INPP5D: variants seen among roughly 807,000 people sequenced by gnomAD.
The protein encoded by INPP5D is phosphatidylinositol 3,4,5-trisphosphate 5-phosphatase 1.
A neutral mutation model predicts 122.9 loss-of-function variants in INPP5D; 33 were observed. The observed-to-expected ratio is 0.27, with a 90% CI of 0.20 to 0.36. INPP5D has a LOEUF of 0.36. Among genes scored for constraint, INPP5D ranks in the 10% least tolerant of loss-of-function variants. The probability of loss-of-function intolerance (pLI) is 1.00; values close to 1 mark genes in which losing one functional copy is unlikely to be tolerated. For missense variants in INPP5D, 1,053 were observed against 1,412.7 expected (o/e 0.75, Z 4.08); for synonymous variants, 584 against 576.2 (o/e 1.01, Z -0.19).
rs1030196761 is a variant in INPP5D at position 233,135,066 on chromosome 2, A to T, written c.665+4418A>T. On this transcript the variant is annotated intron_variant, in intron 5 of 26. Transcript: ENST00000445964. The stretch of plus-strand genomic sequence containing the variant: ...GATATGTTCTTGAAGAAGTAGGAAA[A>T]AATTGCCAATTAATGTATACAATAA... Among the ~76,000 whole-genome samples the T allele has an allele frequency of 2.0e-5, 3 of 149,096 alleles. No individual in the cohort carries two copies. In the South Asian group the frequency reaches 6.5e-4, roughly 32 times the overall value.
At chr2:233,182,604 T>C in intron 19 of INPP5D, 105 bp downstream of exon 19, 1 of 1,519,514 alleles carries the variant, frequency 6.6e-7, no homozygotes, top group African/African-American at 1.4e-5. Context: ...GGAAGGCTCA[T>C]TTTCCCAGGC....
chr2:233,116,769 G>C (rs1692811088), intron 2 of INPP5D, among the ~76,000 whole-genome samples: 1 of 151,320 alleles, frequency 6.6e-6, no homozygotes, highest in Admixed American at 6.6e-5. Context: ...GCTAATTTTT[G>C]TATTTTTAGT....
chr2:233,201,100 CAG>C (rs1410396043), intron 25 of INPP5D, among the ~76,000 whole-genome samples: 5 of 152,252 alleles, frequency 3.3e-5, no homozygotes, highest in South Asian at 2.1e-4. Context: ...TGCCTCTGTA[CAG>C]AGTTTGTTGA....
intron 26 of INPP5D, 62 bp downstream of exon 26, chr2:233,204,779 T>C (rs1372313046): frequency 1.7e-5 from 25 of 1,442,492 alleles, no homozygotes; most frequent in Non-Finnish European, 1.4e-5. Context: ...TGAGTGCGTA[T>C]GTGTGTACCT....
chr2:233,099,596 T>A (rs1692246097), intron 2 of INPP5D, among the ~76,000 whole-genome samples: 1 of 152,228 alleles, frequency 6.6e-6, no homozygotes, highest in Admixed American at 6.5e-5. Context: ...AGATTAAAGA[T>A]CACAATCTGG....
intron 5 of INPP5D, among the ~76,000 whole-genome samples, chr2:233,138,303 T>TAAAAAA (rs749510803): frequency 6.8e-5 from 7 of 103,664 alleles, no homozygotes; most frequent in Non-Finnish European, 9.3e-5. Context: ...TAAGATTGTC[T>TAAAAAA]AAAAAAAAAA....
Position 233,170,213 on chromosome 2 carries a change from G to A in INPP5D, c.1791+49G>A. 3 of 1,592,296 alleles carry A rather than the reference G, an allele frequency of 1.9e-6. No individual in the cohort carries two copies. Among genetic ancestry groups the A allele is most frequent in the Non-Finnish European group, 2.6e-6 (3 of 1,168,660 alleles). On this transcript the variant is annotated intron_variant, in intron 15 of 26. Coordinates refer to ENST00000445964, the MANE Select transcript of INPP5D (RefSeq NM_001017915.3). The surrounding 1 kb of genome is among the most constrained non-coding windows in gnomAD (Gnocchi z 4.5). ...GGGGCTGGGGCTGTATGAGATGGAG[G>A]CTCCCTTGAGTCAGCTTGGGGCAGG...
At chr2:233,077,450 C>T (rs2106207652) in intron 1 of INPP5D, among the ~76,000 whole-genome samples, 1 of 152,118 alleles carries the variant, frequency 6.6e-6, no homozygotes, top group South Asian at 2.1e-4. Context: ...CACCTGAGGT[C>T]AGGAGTCGAG....
intron 2 of INPP5D, among the ~76,000 whole-genome samples, chr2:233,093,651 C>T (rs1692047071): frequency 7.0e-6 from 1 of 143,446 alleles, no homozygotes; most frequent in Non-Finnish European, 1.5e-5. Flanking sequence ...CTGCACACTC[C>T]AGTCTGGGCG....
chr2:233,161,783 G>A lies in INPP5D; in HGVS notation c.1197G>A (p.Pro399=), dbSNP rs376324528. 28 of 1,613,544 alleles carry A rather than the reference G, an allele frequency of 1.7e-5. No individual in the cohort carries two copies. Among genetic ancestry groups the A allele is most frequent in the East Asian group, 2.2e-5 (1 of 44,874 alleles). Residue 399 remains proline, a synonymous_variant, in exon 11 of 27, where the codon CCG becomes CCA. Transcript: ENST00000445964. The stretch of plus-strand genomic sequence containing the variant: ...TGAAGAACAAGCACTCAGAGCAGCC[G>A]GAGCCCGACATGATCACCATCTTCA... The part of the protein sequence containing the change: ...QQMKNKHSEQ[P]EPDMITIFIG...
chr2:233,144,506 ATGG>A lies in INPP5D; in HGVS notation c.754-1647_754-1645del, dbSNP rs1447059342. ...CATGATAGGACTGGTAGGGGTGGAGATGGTGGTGGTGATGGTGATGGTGAGGGT... is the reference window on the plus strand; with the variant it reads ...CATGATAGGACTGGTAGGGGTGGAGATGGTGGTGATGGTGATGGTGAGGGT... On this transcript the variant is annotated intron_variant, in intron 6 of 26. Transcript: ENST00000445964. 1.2e-4 allele frequency among the ~76,000 whole-genome samples: 10 copies of A among 85,690 alleles called. No individual in the cohort carries two copies. In the East Asian group the frequency reaches 3.7e-3, roughly 32 times the overall value. 56.2% of individuals were successfully genotyped at this position (85,690 alleles called of 152,430 possible). A position where few individuals can be genotyped will look rare whatever the true frequency, so the allele number is the denominator to read the frequency against.
intron 4 of INPP5D, among the ~76,000 whole-genome samples, chr2:233,129,203 T>C (rs1380891250): frequency 2.0e-5 from 3 of 152,124 alleles, no homozygotes; most frequent in African/African-American, 7.2e-5. Context: ...TGAAGGCTTG[T>C]AATAATTTTT....
Position 233,195,433 on chromosome 2 carries a change from G to A in INPP5D, c.2631G>A (p.Gly877=), listed in dbSNP as rs747103241. The change falls in exon 24 of 27, where the codon GGG becomes GGA. Residue 877 remains glycine, a synonymous_variant. Transcript: ENST00000445964. ...AGACGGAGCGTGATGAATCCAGTGGGCCAAAGACCCTGAAGAGCCTCACCA... is the reference window on the plus strand; with the variant it reads ...AGACGGAGCGTGATGAATCCAGTGGACCAAAGACCCTGAAGAGCCTCACCA... ...FVKTERDESS[G]PKTLKSLTSH... 6.2e-7 allele frequency: 1 copy of A among 1,613,330 alleles called. No homozygotes were observed. Among genetic ancestry groups the A allele is most frequent in the Non-Finnish European group, 8.5e-7 (1 of 1,179,588 alleles).
At chr2:233,196,985 C>T (rs1259994315) in intron 24 of INPP5D, among the ~76,000 whole-genome samples, 1 of 152,246 alleles carries the variant, frequency 6.6e-6, no homozygotes, top group Non-Finnish European at 1.5e-5. Context: ...TCAGCAAATG[C>T]ATCCTGGCTC....
At chr2:233,099,942 A>G (rs780936747) in intron 2 of INPP5D, among the ~76,000 whole-genome samples, 1 of 152,148 alleles carries the variant, frequency 6.6e-6, no homozygotes, top group Non-Finnish European at 1.5e-5. Flanking sequence ...CATGTGGCAG[A>G]CAAGAGAAGA....
intron 25 of INPP5D, among the ~76,000 whole-genome samples, chr2:233,198,646 T>C (rs1298726894): frequency 6.6e-6 from 1 of 152,208 alleles, no homozygotes; most frequent in East Asian, 1.9e-4. Flanking sequence ...AAAAACTATA[T>C]ACATATCAAA....
chr2:233,132,558 C>T (rs1693358008), intron 5 of INPP5D, among the ~76,000 whole-genome samples: 1 of 152,246 alleles, frequency 6.6e-6, no homozygotes, highest in African/African-American at 2.4e-5. Flanking sequence ...AGGCGACAGC[C>T]AGGCTTGGAG....
rs1474760974 is a variant in INPP5D at position 233,206,787 on chromosome 2, G to T, written c.*79G>T. On this transcript the variant is annotated 3_prime_UTR_variant, in exon 27 of 27. Coordinates refer to ENST00000445964, the MANE Select transcript of INPP5D (RefSeq NM_001017915.3). The surrounding 1 kb of genome is among the most constrained non-coding windows in gnomAD (Gnocchi z 4.0). ...ACTGGACCCTCTCCCGGGACCTCCT[G>T]CTGGCTCCTCCTGCCCAGCTTCCTA... 2 of 726,688 alleles carry T rather than the reference G, an allele frequency of 2.8e-6. No homozygotes were observed. The highest frequency in any genetic ancestry group is 2.6e-5 in the East Asian group (1 of 37,982). The allele number at this position is 726,688 out of a possible 1,614,324, so 45.0% of individuals were successfully genotyped here.
chr2:233,121,103 TTC>T (rs1229354716), intron 2 of INPP5D, among the ~76,000 whole-genome samples: 1 of 140,650 alleles, frequency 7.1e-6, no homozygotes, highest in East Asian at 2.0e-4. Context: ...GGTGATTTCT[TTC>T]TTTCTTTCTT....
Sources: allele counts gnomAD v4.1 joint callset (sites outside exome capture counted in the v4.1 genomes callset), GRCh38; gene constraint gnomAD v4.1.1; non-coding constraint Gnocchi (gnomAD v3.1); transcripts MANE v1.5; gene names NCBI Gene and HGNC (gene_info 2026-07-23, HGNC 2026-07-21).